The following SHISA6 variants were observed in gnomAD, a reference collection of about 807,000 sequenced individuals.
SHISA6 encodes the protein protein shisa-6.
In SHISA6, 22 loss-of-function variants were observed where a neutral mutation model predicts 47.9. The observed-to-expected ratio is 0.46, with a 90% confidence interval of 0.33 to 0.66. The LOEUF is 0.66. SHISA6 is among the 30% of genes least tolerant of loss of function. The pLI is 0.02. For missense variants in SHISA6, 680 were observed against 764.6 expected (o/e 0.89, Z 1.30); for synonymous variants, 388 against 337.8 (o/e 1.15, Z -1.63).
chr17:11,544,974 A>G (rs1182024418), intron 3 of SHISA6, among the ~76,000 whole-genome samples: 1 of 151,708 alleles, frequency 6.6e-6, no homozygotes, highest in Non-Finnish European at 1.5e-5. Context: ...AAAAAAAAAA[A>G]AAAAAAAATT....
At chr17:11,250,756 C>G (rs1403110072) in intron 1 of SHISA6, among the ~76,000 whole-genome samples, 2 of 152,142 alleles carry the variant, frequency 1.3e-5, no homozygotes, top group Admixed American at 6.5e-5. Flanking sequence ...CCTCTTAACT[C>G]TGCTCACGTG....
intron 2 of SHISA6, among the ~76,000 whole-genome samples, chr17:11,307,251 A>T (rs1331828675): frequency 6.6e-6 from 1 of 151,080 alleles, no homozygotes; most frequent in Non-Finnish European, 1.5e-5. Context: ...TACTCAAGAG[A>T]TCTCCAAATG....
intron 2 of SHISA6, among the ~76,000 whole-genome samples, chr17:11,280,543 C>G (rs1486606331): frequency 6.6e-6 from 1 of 152,220 alleles, no homozygotes; most frequent in Non-Finnish European, 1.5e-5. Flanking sequence ...GCTGAAAGTT[C>G]ATTCACTCTC....
intron 3 of SHISA6, among the ~76,000 whole-genome samples, chr17:11,438,860 G>A (rs553213783): frequency 6.6e-6 from 1 of 152,328 alleles, no homozygotes; most frequent in East Asian, 1.9e-4. Flanking sequence ...TGCGGTAGGA[G>A]TTATGGCAAG....
intron 3 of SHISA6, among the ~76,000 whole-genome samples, chr17:11,387,559 C>T (rs147463559): frequency 0.036 from 5,524 of 152,056 alleles, 185 homozygotes; most frequent in Admixed American, 0.088. Context: ...ATTCAGAAAA[C>T]GCAGAGATGT....
rs139189229 is a variant in SHISA6 at position 11,346,481 on chromosome 17, G to A, written c.800-32933G>A. ...AAGTGAACTCTCAGAGATTTCAGAGGTAGGTGATTGCCTGAAGAATAGTTT... is the reference window on the plus strand; with the variant it reads ...AAGTGAACTCTCAGAGATTTCAGAGATAGGTGATTGCCTGAAGAATAGTTT... On this transcript the variant is annotated intron_variant, in intron 2 of 5. Transcript: ENST00000441885. Among the ~76,000 whole-genome samples, 315 of 152,224 alleles carry A rather than the reference G, an allele frequency of 2.1e-3. 1 individual carries two copies. The highest frequency in any genetic ancestry group is 0.014 in the Middle Eastern group (4 of 294).
At chr17:11,294,179 CG>C (rs1352975343) in intron 2 of SHISA6, among the ~76,000 whole-genome samples, 1 of 152,138 alleles carries the variant, frequency 6.6e-6, no homozygotes. Context: ...CCACCATGCC[CG>C]GCTGGTGTTA....
chr17:11,251,399 A>T (rs1323170899), intron 1 of SHISA6, among the ~76,000 whole-genome samples: 2 of 151,914 alleles, frequency 1.3e-5, no homozygotes. Flanking sequence ...ATTAAACAAA[A>T]CAAAACACCC....
intron 3 of SHISA6, among the ~76,000 whole-genome samples, chr17:11,455,699 T>C (rs1046303565): frequency 2.6e-5 from 4 of 152,060 alleles, no homozygotes; most frequent in Non-Finnish European, 4.4e-5. Context: ...ACCCCCAATT[T>C]GCACAGAAAC....
chr17:11,442,954 AG>A (rs1183813215), intron 3 of SHISA6, among the ~76,000 whole-genome samples: 9 of 152,200 alleles, frequency 5.9e-5, no homozygotes, highest in African/African-American at 2.2e-4. Context: ...GAAATGAAAT[AG>A]GGCTAAATCC....
Position 11,558,176 on chromosome 17 carries a change from G to A in SHISA6, c.1528G>A (p.Gly510Ser), listed in dbSNP as rs1301242452. Residue 510 changes from glycine to serine, a missense_variant, in exon 6 of 6, where the codon GGC (glycine) becomes AGC (serine). By Grantham distance (56) the Gly-to-Ser change is moderately conservative (BLOSUM62 0). Coordinates refer to ENST00000441885, the MANE Select transcript of SHISA6 (RefSeq NM_207386.4). The stretch of plus-strand genomic sequence containing the variant: ...CTCCAATAACTCATACGCCACCCTG[G>A]GCCAGAGCCAGACGGCAGCCAAGCG... ...SASNNSYATL[G>S]QSQTAAKRHA... The A allele has an allele frequency of 3.2e-5, 50 of 1,547,396 alleles. No individual in the cohort carries two copies. Among genetic ancestry groups the A allele is most frequent in the Non-Finnish European group, 4.3e-5 (49 of 1,146,988 alleles).
At chr17:11,431,471 G>A (rs77986921) in intron 3 of SHISA6, among the ~76,000 whole-genome samples, 1,997 of 152,270 alleles carry the variant, frequency 0.013, 37 homozygotes, top group African/African-American at 0.045. Flanking sequence ...ACTGCATACC[G>A]AATCTAGCTT....
chr17:11,330,489 G>GAGA (rs1911059658), intron 2 of SHISA6, among the ~76,000 whole-genome samples: 1 of 147,548 alleles, frequency 6.8e-6, no homozygotes, highest in Non-Finnish European at 1.5e-5. Flanking sequence ...GTAATGCTAG[G>GAGA]GAGAGAGAGA....
intron 3 of SHISA6, among the ~76,000 whole-genome samples, chr17:11,434,925 A>G (rs930543340): frequency 2.6e-5 from 4 of 152,226 alleles, no homozygotes; most frequent in African/African-American, 9.6e-5. Context: ...TTGTTGGAAG[A>G]AGCACTGGTA....
chr17:11,471,961 A>G (rs1915944306), intron 3 of SHISA6, among the ~76,000 whole-genome samples: 1 of 152,154 alleles, frequency 6.6e-6, no homozygotes, highest in African/African-American at 2.4e-5. Context: ...CCCAGAGTCC[A>G]TAATTTACAT....
chr17:11,437,727 T>A (rs1328313200), intron 3 of SHISA6, among the ~76,000 whole-genome samples: 1 of 152,198 alleles, frequency 6.6e-6, no homozygotes, highest in South Asian at 2.1e-4. Context: ...GGTTCTTTAA[T>A]GCCATGTGTT....
chr17:11,473,706 T>C (rs1915980887), intron 3 of SHISA6, among the ~76,000 whole-genome samples: 1 of 152,162 alleles, frequency 6.6e-6, no homozygotes, highest in African/African-American at 2.4e-5. Flanking sequence ...GGATAACCTC[T>C]TTCTCTCTCT....
At chr17:11,272,403 G>A (rs1160594601) in intron 2 of SHISA6, among the ~76,000 whole-genome samples, 2 of 152,114 alleles carry the variant, frequency 1.3e-5, no homozygotes, top group Admixed American at 6.6e-5. Context: ...GGTCCTTGGT[G>A]GCATCCTGGG....
At chr17:11,486,369 C>G (rs1191494548) in intron 3 of SHISA6, among the ~76,000 whole-genome samples, 1 of 152,196 alleles carries the variant, frequency 6.6e-6, no homozygotes, top group African/African-American at 2.4e-5. Context: ...GTGAGCCCTC[C>G]GGGGCCAGGG....
Sources: gnomAD v4.1 joint callset for allele counts (sites outside exome capture counted in the v4.1 genomes callset) on GRCh38, gnomAD v4.1.1 for gene constraint, MANE v1.5 for transcripts, NCBI Gene and HGNC (gene_info 2026-07-23, HGNC 2026-07-21) for gene names.